The following POTEC variants were observed in gnomAD, a reference collection of about 807,000 sequenced individuals.
POTEC encodes ANKRD26-like family B member 2.
Under a neutral mutation model 62.0 loss-of-function variants are expected in POTEC, and 35 were observed. The ratio of observed to expected loss-of-function variants is 0.56; its 90% CI spans 0.43 to 0.75. The LOEUF is 0.75. Ranked by LOEUF, POTEC falls within the 30% of genes least tolerant of loss-of-function variation. The pLI, the probability that POTEC is intolerant of heterozygous loss-of-function variation, is 0.00. For synonymous variants in POTEC, 156 were observed against 221.5 expected, an observed-to-expected ratio of 0.70 and a Z score of 2.62; for missense variants, 472 against 655.9, an observed-to-expected ratio of 0.72 and a Z score of 3.06.
intron 5 of POTEC, among the ~76,000 whole-genome samples, 177 bp from the exon 6 acceptor site, chr18:14,530,730 G>A (rs1905483130): frequency 1.3e-5 from 2 of 152,018 alleles, no homozygotes; most frequent in South Asian, 4.1e-4. Flanking sequence ...TCTAATTAAA[G>A]CAGAAAAAAA....
chr18:14,522,550 G>T (rs1910338638), intron 8 of POTEC, 130 bp from the exon 9 acceptor site: 1 of 1,445,086 alleles, frequency 6.9e-7, no homozygotes, highest in South Asian at 1.4e-5. Context: ...ACTTAAATTT[G>T]ATCATATATA....
rs534328534 is a variant in POTEC, at chr18:14,511,206, G to A, written c.*692C>T. ...AGGTTTCAAATCTCCATTGGCCAGG[G>A]AACACTGGTGGGTGTAGCTGGAGGC... On this transcript the variant is annotated 3_prime_UTR_variant, in exon 11 of 11. Coordinates refer to ENST00000358970, the MANE Select transcript of POTEC (RefSeq NM_001137671.2). 2,964 of 154,134 alleles carry A rather than the reference G, an allele frequency of 0.019. 94 individuals are homozygous for A. Among genetic ancestry groups the A allele is most frequent in the African/African-American group, 0.068 (2,780 of 40,818 alleles). The allele number at this position is 154,134 out of a possible 1,614,324, so 9.5% of individuals were successfully genotyped here. A position where few individuals can be genotyped will look rare whatever the true frequency, so the allele number is the denominator to read the frequency against.
intron 3 of POTEC, among the ~76,000 whole-genome samples, chr18:14,537,222 A>AAC (rs1390366638): frequency 8.2e-6 from 1 of 121,692 alleles, no homozygotes; most frequent in African/African-American, 3.0e-5. Flanking sequence ...AAAAAAAAAA[A>AAC]AAACAAAAAA....
Position 14,511,736 on chromosome 18 carries a change from T to C in POTEC, c.*162A>G. 1.4e-6 allele frequency: 1 copy of C among 723,254 alleles called. No homozygotes were observed. The highest frequency in any genetic ancestry group is 1.6e-5 in the South Asian group (1 of 63,946). The allele number at this position is 723,254 out of a possible 1,614,324, so 44.8% of individuals were successfully genotyped here. ...CAGTTCAGAACTGAGCATTCTCAGT[T>C]GTCAAAATCCTAAGCTGTCCACTGT... On this transcript the variant is annotated 3_prime_UTR_variant, in exon 11 of 11. Coordinates refer to ENST00000358970, the MANE Select transcript of POTEC (RefSeq NM_001137671.2).
chr18:14,538,581 A>G (rs2143166889), intron 1 of POTEC, among the ~76,000 whole-genome samples: 1 of 151,696 alleles, frequency 6.6e-6, no homozygotes, highest in Non-Finnish European at 1.5e-5. Flanking sequence ...TCAGTTTCTC[A>G]GAGGAAACCA....
At position 14,511,128 on chromosome 18, in the gene POTEC, C is replaced by T. The variant is rs1909995140; in HGVS notation, c.*770G>A. On this transcript the variant is annotated 3_prime_UTR_variant, in exon 11 of 11. Transcript: ENST00000358970. ...CCCACAGGCCAGAAGGGCTAGTTGCCCAAACAACAAAGGTCATGGCCCACC... is the reference window on the plus strand; with the variant it reads ...CCCACAGGCCAGAAGGGCTAGTTGCTCAAACAACAAAGGTCATGGCCCACC... 1.3e-5 allele frequency: 2 copies of T among 151,706 alleles called. No individual in the cohort carries two copies. The highest frequency in any genetic ancestry group is 6.6e-5 in the Admixed American group (1 of 15,238). 9.4% of individuals were successfully genotyped at this position (151,706 alleles called of 1,614,324 possible). A position where few individuals can be genotyped will look rare whatever the true frequency, so the allele number is the denominator to read the frequency against.
intron 4 of POTEC, among the ~76,000 whole-genome samples, chr18:14,534,096 C>T (rs1385360467): frequency 8.1e-6 from 1 of 123,730 alleles, no homozygotes; most frequent in Admixed American, 9.1e-5. Flanking sequence ...CACCACAGTC[C>T]CCAGAGTGTG....
At chr18:14,532,353 G>A (rs1211544304) in intron 5 of POTEC, among the ~76,000 whole-genome samples, 2 of 152,074 alleles carry the variant, frequency 1.3e-5, no homozygotes, top group Non-Finnish European at 2.9e-5. Flanking sequence ...AGCGGCCAGA[G>A]CAGGGTGCTG....
Position 14,543,536 on chromosome 18 carries a change from G to A in POTEC, c.-390C>T, listed in dbSNP as rs1906040366. Reference sequence around the variant, plus strand: ...AGCGACTAACGCCAAGCCAAGCTAGGAACGCAAGGCCAAGCGAGGAACGCA... The same window carrying A: ...AGCGACTAACGCCAAGCCAAGCTAGAAACGCAAGGCCAAGCGAGGAACGCA... On this transcript the variant is annotated 5_prime_UTR_variant, in exon 1 of 11. Transcript: ENST00000358970. 3 of 368,338 alleles carry A rather than the reference G, an allele frequency of 8.1e-6. No homozygotes were observed. The highest frequency in any genetic ancestry group is 1.5e-5 in the Non-Finnish European group (3 of 200,542). 22.8% of individuals were successfully genotyped at this position (368,338 alleles called of 1,614,324 possible).
chr18:14,543,325 A>C lies in POTEC; in HGVS notation c.-179T>G, dbSNP rs1399731955. ...TCCACCCCACCCAGGGAAAACCCAC[A>C]CCCACCCGGGGAAAGCCCACGCCCA... On this transcript the variant is annotated 5_prime_UTR_variant, in exon 1 of 11. Transcript: ENST00000358970. 4.3e-6 allele frequency: 5 copies of C among 1,158,794 alleles called. No homozygotes were observed. Among genetic ancestry groups the C allele is most frequent in the Non-Finnish European group, 6.0e-6 (5 of 834,120 alleles). 71.8% of individuals were successfully genotyped at this position (1,158,794 alleles called of 1,614,324 possible). A position where few individuals can be genotyped will look rare whatever the true frequency, so the allele number is the denominator to read the frequency against.
Position 14,507,441 on chromosome 18 carries a change from CCATT to C in POTEC, c.*4453_*4456del, listed in dbSNP as rs1909874267. 2.0e-5 allele frequency: 3 copies of C among 151,468 alleles called. No homozygotes were observed. In the South Asian group the frequency reaches 6.2e-4, roughly 32 times the overall value. 9.4% of individuals were successfully genotyped at this position (151,468 alleles called of 1,614,324 possible). ...TTCCATTTCCTTGAAATATTTTTCT[CCATT>C]CCTTTATTTTGAGCCTATGTATGGC... is the stretch of plus-strand genomic sequence containing the variant. On this transcript the variant is annotated 3_prime_UTR_variant, in exon 11 of 11. Coordinates refer to ENST00000358970, the MANE Select transcript of POTEC (RefSeq NM_001137671.2).
At chr18:14,525,840 GTCT>G (rs1567912428) in intron 6 of POTEC, among the ~76,000 whole-genome samples, 1 of 152,070 alleles carries the variant, frequency 6.6e-6, no homozygotes, top group Non-Finnish European at 1.5e-5. Context: ...AGTGTACAAT[GTCT>G]TCTTAACATC....
At chr18:14,515,715 A>G (rs1485508153) in intron 9 of POTEC, among the ~76,000 whole-genome samples, 4 of 152,000 alleles carry the variant, frequency 2.6e-5, no homozygotes, top group Non-Finnish European at 5.9e-5. Flanking sequence ...CAGCAAAAGA[A>G]ATAATCATCA....
rs1421722090 is a variant in POTEC at position 14,537,215 on chromosome 18, A to C, written c.810+586T>G. Among the ~76,000 whole-genome samples the C allele has an allele frequency of 1.6e-4, 19 of 116,706 alleles. 1 individual carries two copies. Among genetic ancestry groups the C allele is most frequent in the African/African-American group, 3.8e-4 (12 of 31,306 alleles). The allele number at this position is 116,706 out of a possible 152,430, so 76.6% of individuals were successfully genotyped here. A position where few individuals can be genotyped will look rare whatever the true frequency, so the allele number is the denominator to read the frequency against. ...CACACACACACACACACACACAAAA[A>C]AAAAAAAAAACAAAAAAAAACCTCT... On this transcript the variant is annotated intron_variant, in intron 3 of 10. Coordinates refer to ENST00000358970, the MANE Select transcript of POTEC (RefSeq NM_001137671.2).
rs1456844347 is a variant in POTEC, at chr18:14,509,792, AGAG to A, written c.*2103_*2105del. 4.8e-5 allele frequency: 7 copies of A among 144,732 alleles called. No homozygotes were observed. The highest frequency in any genetic ancestry group is 4.1e-4 in the Admixed American group (6 of 14,578). 9.0% of individuals were successfully genotyped at this position (144,732 alleles called of 1,614,324 possible). ...GACTGCCCAGCACAGATCAGGTCTC[AGAG>A]GAGAACTCTCTCAAAAGTGAATCCT... On this transcript the variant is annotated 3_prime_UTR_variant, in exon 11 of 11. Transcript: ENST00000358970.
intron 7 of POTEC, among the ~76,000 whole-genome samples, chr18:14,524,581 C>T (rs1910389110): frequency 6.6e-6 from 1 of 151,524 alleles, no homozygotes; most frequent in Non-Finnish European, 1.5e-5. Flanking sequence ...GCCTCTATTC[C>T]AAAAGGAAAG....
chr18:14,513,596 C>G, intron 10 of POTEC, 66 bp downstream of exon 10: 4 of 1,525,352 alleles, frequency 2.6e-6, no homozygotes, highest in Non-Finnish European at 3.5e-6. Context: ...TTTATACCTT[C>G]CAAAATAAAG....
In POTEC at chr18:14,516,298, TTATATATATA is replaced by T. The variant is rs200611192; in HGVS notation, c.1410-2523_1410-2514del. Among the ~76,000 whole-genome samples the T allele has an allele frequency of 4.7e-3, 118 of 25,116 alleles. 17 individuals carry two copies. The highest frequency in any genetic ancestry group is 0.014 in the Admixed American group (23 of 1,628). The allele number at this position is 25,116 out of a possible 152,430, so 16.5% of individuals were successfully genotyped here. ...ACTGATGAGTGGAATAAAGAAAATT[TTATATATATA>T]TATATATATATATATATATATATAT... On this transcript the variant is annotated intron_variant, in intron 9 of 10. Coordinates refer to ENST00000358970, the MANE Select transcript of POTEC (RefSeq NM_001137671.2).
At chr18:14,530,601 TA>T (rs1249465949) in intron 5 of POTEC, 48 bp from the exon 6 acceptor site, 4 of 1,321,224 alleles carry the variant, frequency 3.0e-6, no homozygotes, top group East Asian at 2.6e-5. Flanking sequence ...AATACTGATA[TA>T]AAAAATACTT....
Sources: gnomAD v4.1 joint callset for allele counts (sites outside exome capture counted in the v4.1 genomes callset) on GRCh38, gnomAD v4.1.1 for gene constraint, MANE v1.5 for transcripts, NCBI Gene and HGNC (gene_info 2026-07-23, HGNC 2026-07-21) for gene names.